Variants in ARMC1 observed in about 807,000 individuals in gnomAD.
ARMC1 encodes the protein armadillo repeat-containing protein 1.
Under a neutral mutation model 31.4 loss-of-function variants are expected in ARMC1, and 16 were observed. The ratio of observed to expected loss-of-function variants is 0.51; its 90% CI spans 0.34 to 0.77. The LOEUF is 0.77. ARMC1 is among the 30% of genes least tolerant of loss of function. The pLI, the probability that ARMC1 is intolerant of heterozygous loss-of-function variation, is 0.01. For synonymous variants in ARMC1, 114 were observed against 118.9 expected (o/e 0.96, Z 0.27); for missense variants, 259 against 347.5 (o/e 0.75, Z 2.02).
At chr8:65,608,872 C>G (rs939008166) in intron 4 of ARMC1, among the ~76,000 whole-genome samples, 3 of 152,066 alleles carry the variant, frequency 2.0e-5, no homozygotes, top group African/African-American at 7.2e-5. Flanking sequence ...TCGTGTCACA[C>G]TGATCTCCAG....
In ARMC1 at chr8:65,623,786, C is replaced by CTTTTTTTTTTTTTTT. The variant is rs201008780; in HGVS notation, c.184-1447_184-1433dup. 5.0e-4 allele frequency among the ~76,000 whole-genome samples: 13 copies of CTTTTTTTTTTTTTTT among 26,084 alleles called. 1 individual carries two copies. The highest frequency in any genetic ancestry group is 2.3e-3 in the East Asian group (2 of 876). The allele number at this position is 26,084 out of a possible 152,430, so 17.1% of individuals were successfully genotyped here. On this transcript the variant is annotated intron_variant, in intron 2 of 6. Transcript: ENST00000276569. ...ATGCCAGAAGACAACAAAGTAAAAT[C>CTTTTTTTTTTTTTTT]TTTTTTTTTTTTTTTTTTTTTTTTT... is the stretch of plus-strand genomic sequence containing the variant.
chr8:65,629,721 C>T (rs1280031695), intron 1 of ARMC1, among the ~76,000 whole-genome samples: 1 of 147,452 alleles, frequency 6.8e-6, no homozygotes, highest in Non-Finnish European at 1.5e-5. Context: ...ATCGCTTGAA[C>T]TTGGGAGATG....
In ARMC1 at chr8:65,627,347, C is replaced by T. The variant is rs754873402; in HGVS notation, c.52G>A (p.Val18Ile). The T allele has an allele frequency of 1.2e-6, 2 of 1,612,648 alleles. No homozygotes were observed. Among genetic ancestry groups the T allele is most frequent in the Non-Finnish European group, 1.7e-6 (2 of 1,179,084 alleles). The change falls in exon 2 of 7, where the codon GTT becomes ATT. Residue 18 changes from valine (V) to isoleucine (I), a missense_variant. This residue lies in a region of ARMC1 where 163 missense variants were observed against 186.7 expected (regional missense o/e 0.87). Transcript: ENST00000276569. ...GCTGCTAGATCCCGTAACTGGTTAA[C>T]TACCGATAGAGCGTCAGGCTCTTCA... ...MSEEPDALSV[V>I]NQLRDLAADP...
intron 3 of ARMC1, among the ~76,000 whole-genome samples, chr8:65,617,701 G>A (rs1342965199): frequency 6.6e-6 from 1 of 152,042 alleles, no homozygotes; most frequent in African/African-American, 2.4e-5. Context: ...ACAGGGGCAA[G>A]GGTTGAAAAA....
intron 4 of ARMC1, among the ~76,000 whole-genome samples, chr8:65,606,360 C>CAAAAAA (rs11437403): frequency 3.4e-5 from 4 of 115,970 alleles, no homozygotes; most frequent in Non-Finnish European, 5.4e-5. Context: ...GACACCATCT[C>CAAAAAA]AAAAAAAAAA....
At chr8:65,616,741 C>T (rs1410741340) in intron 3 of ARMC1, among the ~76,000 whole-genome samples, 20 of 149,848 alleles carry the variant, frequency 1.3e-4, no homozygotes, top group African/African-American at 4.7e-4. Flanking sequence ...GCCTCTGCCC[C>T]GCCGCCCCGT....
intron 2 of ARMC1, among the ~76,000 whole-genome samples, chr8:65,623,318 A>AAAAAAAAAG (rs1808436882): frequency 1.4e-5 from 2 of 141,114 alleles, no homozygotes; most frequent in Non-Finnish European, 3.1e-5. Context: ...AAAAAAAAAA[A>AAAAAAAAAG]AAAAAATGCT....
At chr8:65,616,711 T>C (rs1344274597) in intron 3 of ARMC1, among the ~76,000 whole-genome samples, 1 of 138,122 alleles carries the variant, frequency 7.2e-6, no homozygotes, top group Non-Finnish European at 1.5e-5. Flanking sequence ...CGGCCACCCA[T>C]AGTCTGAGAT....
chr8:65,611,843 A>G (rs7459737), intron 4 of ARMC1, among the ~76,000 whole-genome samples: 54,836 of 149,846 alleles, frequency 0.37, 10,187 homozygotes, highest in East Asian at 0.47. Flanking sequence ...GCGTGATCTC[A>G]GCTCACCACA....
intron 4 of ARMC1, among the ~76,000 whole-genome samples, chr8:65,606,877 C>A (rs1808016147): frequency 6.6e-6 from 1 of 152,204 alleles, no homozygotes; most frequent in Non-Finnish European, 1.5e-5. Flanking sequence ...AATACAAGAT[C>A]CAAAGTGAAA....
At chr8:65,606,520 A>G (rs1808008830) in intron 4 of ARMC1, among the ~76,000 whole-genome samples, 1 of 152,204 alleles carries the variant, frequency 6.6e-6, no homozygotes, top group Admixed American at 6.5e-5. Context: ...ATATCACTGC[A>G]TCATCCATTT....
chr8:65,615,669 T>G (rs142034297), intron 3 of ARMC1, among the ~76,000 whole-genome samples: 3 of 152,158 alleles, frequency 2.0e-5, no homozygotes, highest in African/African-American at 7.2e-5. Flanking sequence ...ATCCTACGAC[T>G]GCACGCCAGC....
intron 1 of ARMC1, among the ~76,000 whole-genome samples, chr8:65,628,185 ATAT>A (rs1808554685): frequency 6.6e-6 from 1 of 152,116 alleles, no homozygotes; most frequent in Non-Finnish European, 1.5e-5. Context: ...CTGGCCTAAA[ATAT>A]TATTTACTAT....
At chr8:65,629,134 G>A (rs1417640138) in intron 1 of ARMC1, among the ~76,000 whole-genome samples, 3 of 147,366 alleles carry the variant, frequency 2.0e-5, no homozygotes, top group Non-Finnish European at 4.5e-5. Context: ...CAGCCTGGAT[G>A]ACAGGGCGAG....
chr8:65,632,455 T>C (rs1808665879), intron 1 of ARMC1, among the ~76,000 whole-genome samples: 1 of 151,906 alleles, frequency 6.6e-6, no homozygotes, highest in South Asian at 2.1e-4. Context: ...CTACTAAAAA[T>C]ACAAAATATT....
chr8:65,628,238 T>C (rs576485201), intron 1 of ARMC1, among the ~76,000 whole-genome samples: 16 of 152,048 alleles, frequency 1.1e-4, no homozygotes, highest in Admixed American at 9.2e-4. Flanking sequence ...TTGCATACTT[T>C]GTTTTCCTTG....
At chr8:65,622,443 G>T in intron 2 of ARMC1, 89 bp from the exon 3 acceptor site, 2 of 962,756 alleles carry the variant, frequency 2.1e-6, no homozygotes, top group South Asian at 3.0e-5. Context: ...AAACAAAAAA[G>T]GAGAAAATAG....
At chr8:65,606,983 G>A (rs762388505) in intron 4 of ARMC1, among the ~76,000 whole-genome samples, 2 of 152,206 alleles carry the variant, frequency 1.3e-5, no homozygotes, top group Non-Finnish European at 2.9e-5. Flanking sequence ...TCTGTATTGA[G>A]ACCAAGTTTT....
At chr8:65,624,031 C>G (rs1462779313) in intron 2 of ARMC1, among the ~76,000 whole-genome samples, 4 of 150,254 alleles carry the variant, frequency 2.7e-5, no homozygotes, top group Non-Finnish European at 5.9e-5. Context: ...CTCCTGACCT[C>G]AGGTGATCCA....
Sources: gnomAD v4.1 joint callset for allele counts (sites outside exome capture counted in the v4.1 genomes callset) on GRCh38, gnomAD v4.1.1 for gene constraint, gnomAD v4.1.1 regional missense constraint, MANE v1.5 for transcripts, NCBI Gene and HGNC (gene_info 2026-07-23, HGNC 2026-07-21) for gene names.